The following STK32B variants were observed in gnomAD, a reference collection of about 807,000 sequenced individuals.
The protein encoded by STK32B is serine/threonine-protein kinase 32B.
STK32B carries 43 observed loss-of-function variants against 52.6 expected under a neutral mutation model. That is an observed-to-expected ratio of 0.82 (90% CI 0.64 to 1.05). The LOEUF (loss-of-function observed/expected upper bound fraction) is 1.05, where lower values mean the gene tolerates loss of function less well. STK32B is among the 50% of genes least tolerant of loss of function. The pLI is 0.00. For missense variants in STK32B, 621 were observed against 534.6 expected (o/e 1.16, Z -1.59); for synonymous variants, 238 against 204.3 (o/e 1.17, Z -1.41).
intron 3 of STK32B, among the ~76,000 whole-genome samples, chr4:5,196,279 A>G (rs990184017): frequency 2.1e-5 from 3 of 141,452 alleles, no homozygotes; most frequent in Admixed American, 7.1e-5. Flanking sequence ...CCACCCCGCG[A>G]GGTTCTCTTC....
intron 4 of STK32B, among the ~76,000 whole-genome samples, chr4:5,379,994 C>G (rs1004933462): frequency 6.6e-6 from 1 of 152,152 alleles, no homozygotes; most frequent in Non-Finnish European, 1.5e-5. Context: ...ACTGTGACTC[C>G]CAGGGCTGCA....
intron 3 of STK32B, among the ~76,000 whole-genome samples, chr4:5,316,968 A>G (rs1442357130): frequency 4.6e-5 from 1 of 21,906 alleles, no homozygotes; most frequent in Non-Finnish European, 6.2e-5. Context: ...TAATATATAT[A>G]ATATATATAA....
At chr4:5,381,447 T>C (rs1293871395) in intron 4 of STK32B, among the ~76,000 whole-genome samples, 1 of 152,188 alleles carries the variant, frequency 6.6e-6, no homozygotes, top group African/African-American at 2.4e-5. Flanking sequence ...TGCCCTCTCA[T>C]CTGCAGCACT....
intron 1 of STK32B, among the ~76,000 whole-genome samples, chr4:5,078,532 G>T (rs528114779): frequency 6.6e-6 from 1 of 152,292 alleles, no homozygotes; most frequent in South Asian, 2.1e-4. Flanking sequence ...TAAGTTCTGG[G>T]GGTCTAGAAT....
intron 3 of STK32B, among the ~76,000 whole-genome samples, chr4:5,301,897 A>C (rs767369365): frequency 1.3e-4 from 19 of 151,220 alleles, no homozygotes; most frequent in Non-Finnish European, 2.1e-4. Context: ...TCTTCCCTTT[A>C]ATTGTAGTGT....
At chr4:5,388,777 G>A (rs184888040) in intron 4 of STK32B, among the ~76,000 whole-genome samples, 4 of 152,296 alleles carry the variant, frequency 2.6e-5, no homozygotes, top group Non-Finnish European at 5.9e-5. Context: ...GGGATGTCAC[G>A]GGGCTCACCC....
chr4:5,185,507 G>A (rs1720675087), intron 3 of STK32B, among the ~76,000 whole-genome samples: 1 of 152,246 alleles, frequency 6.6e-6, no homozygotes, highest in South Asian at 2.1e-4. Context: ...TGAAGGCAGA[G>A]CCGATCTGGC....
chr4:5,191,694 C>A (rs62290535), intron 3 of STK32B, among the ~76,000 whole-genome samples: 7,874 of 152,270 alleles, frequency 0.052, 383 homozygotes, highest in Admixed American at 0.16. Flanking sequence ...CCACCCGCAG[C>A]CTGCTTCGTC....
Position 5,386,067 on chromosome 4 carries a change from A to G in STK32B, c.435-12140A>G, listed in dbSNP as rs1489457842. 7.3e-6 allele frequency among the ~76,000 whole-genome samples: 1 copy of G among 137,622 alleles called. No individual in the cohort carries two copies. The highest frequency in any genetic ancestry group is 1.6e-5 in the Non-Finnish European group (1 of 63,192). 90.3% of individuals were successfully genotyped at this position (137,622 alleles called of 152,430 possible). A position where few individuals can be genotyped will look rare whatever the true frequency, so the allele number is the denominator to read the frequency against. ...CACCCACACCCACAGCCCCACCCAT[A>G]GCCCCTACCCAGATTTCCCATGCAG... On this transcript the variant is annotated intron_variant, in intron 4 of 11. Coordinates refer to ENST00000282908, the MANE Select transcript of STK32B (RefSeq NM_018401.3). This position sits in a 1 kb window ranked among gnomAD's most constrained non-coding sequence, Gnocchi z 4.5.
chr4:5,464,342 T>C (rs1405702247), intron 9 of STK32B, among the ~76,000 whole-genome samples: 1 of 152,214 alleles, frequency 6.6e-6, no homozygotes, highest in East Asian at 1.9e-4. Flanking sequence ...TCTGGGACAT[T>C]CCCAGCCAGC....
At chr4:5,456,501 C>G (rs1716533696) in intron 7 of STK32B, among the ~76,000 whole-genome samples, 1 of 152,240 alleles carries the variant, frequency 6.6e-6, no homozygotes, top group African/African-American at 2.4e-5. Context: ...AGCAGGGACT[C>G]TGGTGTTAAG....
intron 3 of STK32B, among the ~76,000 whole-genome samples, chr4:5,237,288 G>A (rs184391709): frequency 3.5e-4 from 53 of 152,324 alleles, no homozygotes; most frequent in African/African-American, 1.3e-3. Flanking sequence ...CTTTTCCTGG[G>A]TGGGACATTG....
chr4:5,106,396 AT>A (rs775322526), intron 1 of STK32B, among the ~76,000 whole-genome samples: 2 of 152,024 alleles, frequency 1.3e-5, no homozygotes, highest in Non-Finnish European at 2.9e-5. Flanking sequence ...GATGTTTAAG[AT>A]TTTTTTTATT....
intron 3 of STK32B, among the ~76,000 whole-genome samples, chr4:5,193,644 C>T (rs1197368141): frequency 1.3e-5 from 2 of 152,236 alleles, no homozygotes; most frequent in Non-Finnish European, 2.9e-5. Flanking sequence ...TCTTGCAGAA[C>T]AGCCCATAGC....
intron 4 of STK32B, among the ~76,000 whole-genome samples, chr4:5,349,350 C>T (rs551271946): frequency 7.2e-5 from 11 of 152,228 alleles, no homozygotes; most frequent in Admixed American, 6.5e-4. Flanking sequence ...TACTAAGCCA[C>T]CAAGGAAACA....
At chr4:5,102,288 G>C (rs970620434) in intron 1 of STK32B, among the ~76,000 whole-genome samples, 21 of 152,164 alleles carry the variant, frequency 1.4e-4, no homozygotes, top group African/African-American at 4.6e-4. Context: ...TGGCCACCAT[G>C]AGCTCCTCTG....
intron 11 of STK32B, among the ~76,000 whole-genome samples, chr4:5,476,573 C>T (rs1160480132): frequency 6.6e-6 from 1 of 151,908 alleles, no homozygotes; most frequent in Non-Finnish European, 1.5e-5. Flanking sequence ...ATGAAAAAGC[C>T]TTAGACTCTG....
At chr4:5,257,055 A>G (rs983402984) in intron 3 of STK32B, among the ~76,000 whole-genome samples, 13 of 138,310 alleles carry the variant, frequency 9.4e-5, no homozygotes, top group Middle Eastern at 3.6e-3. Context: ...GAGTGAATGA[A>G]TATGTGAGTA....
rs568358240 is a variant in STK32B at position 5,418,239 on chromosome 4, A to G, written c.562+1305A>G. Among the ~76,000 whole-genome samples the G allele has an allele frequency of 8.5e-5, 13 of 152,296 alleles. No homozygotes were observed. The South Asian group carries it at 2.5e-3, about 29-fold the overall frequency. ...CATCTTTCTGTGTGTTTTTATTGCAATGATGTTATTCTGCTCTTCATTCTC... is the reference window on the plus strand; with the variant it reads ...CATCTTTCTGTGTGTTTTTATTGCAGTGATGTTATTCTGCTCTTCATTCTC... On this transcript the variant is annotated intron_variant, in intron 6 of 11. Coordinates refer to ENST00000282908, the MANE Select transcript of STK32B (RefSeq NM_018401.3).
Sources: allele counts gnomAD v4.1 joint callset (sites outside exome capture counted in the v4.1 genomes callset), GRCh38; gene constraint gnomAD v4.1.1; non-coding constraint Gnocchi (gnomAD v3.1); transcripts MANE v1.5; gene names NCBI Gene and HGNC (gene_info 2026-07-23, HGNC 2026-07-21).